Variants in GTF2IRD1 observed in about 807,000 individuals in gnomAD.
The protein encoded by GTF2IRD1 is GTF2I repeat domain containing 1.
In GTF2IRD1, 26 loss-of-function variants were observed where a neutral mutation model predicts 113.2. The observed-to-expected ratio is 0.23, with a 90% CI of 0.17 to 0.32. GTF2IRD1 has a LOEUF of 0.32. Ranked by LOEUF, GTF2IRD1 falls within the 10% of genes least tolerant of loss-of-function variation. The probability of loss-of-function intolerance (pLI) is 1.00; values close to 1 mark genes in which losing one functional copy is unlikely to be tolerated. For missense variants in GTF2IRD1, 864 were observed against 1,280.8 expected, an observed-to-expected ratio of 0.67 and a Z score of 4.97; for synonymous variants, 484 against 529.1, an observed-to-expected ratio of 0.91 and a Z score of 1.17.
chr7:74,486,819 A>T (rs1795055232), intron 1 of GTF2IRD1, among the ~76,000 whole-genome samples: 1 of 152,030 alleles, frequency 6.6e-6, no homozygotes, highest in African/African-American at 2.4e-5. Context: ...AAAAAAAAAA[A>T]ATGAAAAAAA....
At chr7:74,559,186 G>T in intron 21 of GTF2IRD1, 142 bp downstream of exon 21, 1 of 771,926 alleles carries the variant, frequency 1.3e-6, no homozygotes, top group East Asian at 2.7e-5. Flanking sequence ...GGTCCTGGGG[G>T]TGGTTGGAGA....
chr7:74,514,931 C>T (rs782472124), intron 3 of GTF2IRD1, among the ~76,000 whole-genome samples: 3 of 151,806 alleles, frequency 2.0e-5, no homozygotes, highest in Non-Finnish European at 4.4e-5. Context: ...GTGGCAGGCG[C>T]CTATAATCCC....
intron 22 of GTF2IRD1, among the ~76,000 whole-genome samples, chr7:74,585,516 G>A (rs1385477564): frequency 6.6e-6 from 1 of 152,176 alleles, no homozygotes; most frequent in African/African-American, 2.4e-5. Context: ...AGAAGACAGA[G>A]GTGTGGCATT....
intron 19 of GTF2IRD1, among the ~76,000 whole-genome samples, chr7:74,557,409 C>A (rs1365685843): frequency 6.6e-6 from 1 of 152,194 alleles, no homozygotes; most frequent in Non-Finnish European, 1.5e-5. Flanking sequence ...CAAATGTCAT[C>A]AATTAACTTA....
At chr7:74,566,205 T>G (rs587689041) in intron 22 of GTF2IRD1, among the ~76,000 whole-genome samples, 34 of 152,334 alleles carry the variant, frequency 2.2e-4, no homozygotes, top group African/African-American at 7.5e-4. Flanking sequence ...TTTACACATT[T>G]AACCTTAAAA....
rs1203682305 is a variant in GTF2IRD1 at position 74,494,191 on chromosome 7, G to A, written c.-6-13884G>A. Among the ~76,000 whole-genome samples the A allele has an allele frequency of 5.9e-5, 9 of 152,218 alleles. No homozygotes were observed. The South Asian group carries it at 1.4e-3, about 25-fold the overall frequency. ...TACAATTGCAGTCAAAAGGTTGCCG[G>A]TGGGAGTTGGAGGCTGCAGTGAGCT... is the stretch of plus-strand genomic sequence containing the variant. On this transcript the variant is annotated intron_variant, in intron 1 of 26. Transcript: ENST00000424337.
chr7:74,593,840 G>T (rs1254123507), intron 24 of GTF2IRD1, among the ~76,000 whole-genome samples: 2 of 151,748 alleles, frequency 1.3e-5, no homozygotes, highest in African/African-American at 4.8e-5. Flanking sequence ...GAAGGCAGAG[G>T]TTGCAGTGAG....
intron 22 of GTF2IRD1, among the ~76,000 whole-genome samples, chr7:74,562,555 CT>C (rs1167468655): frequency 6.9e-3 from 430 of 62,678 alleles, no homozygotes; most frequent in African/African-American, 0.029. Flanking sequence ...CAATTGCCCT[CT>C]TTTTTTTTTT....
At position 74,545,745 on chromosome 7, in the gene GTF2IRD1, C is replaced by T; in HGVS notation, c.1668C>T (p.Asp556=). 1 of 1,612,094 alleles carries T rather than the reference C, an allele frequency of 6.2e-7. No individual in the cohort carries two copies. The highest frequency in any genetic ancestry group is 8.5e-7 in the Non-Finnish European group (1 of 1,179,446). Residue 556 remains aspartate, a splice_region_variant and synonymous_variant, in exon 16 of 27, where the codon GAC becomes GAT. Transcript: ENST00000424337. ...AACAGACTGCCTTTTGCCTTCCAGA[C>T]AGCCACGGTGACGTGATCCGGCCCC... is the stretch of plus-strand genomic sequence containing the variant. ...DARPEERPVE[D]SHGDVIRPLR...
chr7:74,481,298 G>T (rs1794728635), intron 1 of GTF2IRD1, among the ~76,000 whole-genome samples: 1 of 152,162 alleles, frequency 6.6e-6, no homozygotes, highest in Non-Finnish European at 1.5e-5. Flanking sequence ...GTGACGACAG[G>T]CGCGTGCCAC....
At chr7:74,506,190 G>C (rs2267831) in intron 1 of GTF2IRD1, 15,829 of 152,200 alleles carry the variant, frequency 0.1, 2,033 homozygotes, top group East Asian at 0.39. Context: ...GTGATGCACT[G>C]TCACATCTCC....
At chr7:74,513,055 G>A (rs1163516774) in intron 3 of GTF2IRD1, 84 bp downstream of exon 3, 1 of 1,356,368 alleles carries the variant, frequency 7.4e-7, no homozygotes, top group African/African-American at 1.4e-5. Flanking sequence ...CCCCAACCCT[G>A]TCTAGCCAGG....
At chr7:74,463,176 G>T (rs760121170) in intron 1 of GTF2IRD1, among the ~76,000 whole-genome samples, 3 of 152,160 alleles carry the variant, frequency 2.0e-5, no homozygotes, top group Admixed American at 6.5e-5. Flanking sequence ...CAGGAGTTAG[G>T]ATCAAACGGA....
At chr7:74,528,454 T>C (rs988286671) in intron 8 of GTF2IRD1, among the ~76,000 whole-genome samples, 11 of 151,984 alleles carry the variant, frequency 7.2e-5, no homozygotes, top group African/African-American at 2.2e-4. Context: ...TCCCAACAAC[T>C]GTAGCCTTCC....
chr7:74,521,422 G>A, intron 7 of GTF2IRD1, 125 bp downstream of exon 7: 2 of 683,884 alleles, frequency 2.9e-6, no homozygotes, highest in East Asian at 2.7e-5. Flanking sequence ...TCTGCTCAAG[G>A]GGCTGCAAGT....
Position 74,512,955 on chromosome 7 carries a change from C to T in GTF2IRD1, c.249C>T (p.Asp83=), listed in dbSNP as rs1372104730. The change falls in exon 3 of 27, where the codon GAC becomes GAT. Residue 83 remains aspartate (D), a synonymous_variant. Transcript: ENST00000424337. The surrounding 1 kb of genome is among the most constrained non-coding windows in gnomAD (Gnocchi z 4.4). ...FLNARKELQS[D]FLRFCRGPPW... The stretch of plus-strand genomic sequence containing the variant: ...ATGCCCGGAAGGAGCTACAGTCAGA[C>T]TTCCTCAGGTTCTGCCGTGAGTACC... 1.2e-5 allele frequency: 19 copies of T among 1,613,904 alleles called. No individual in the cohort carries two copies. Among genetic ancestry groups the T allele is most frequent in the Non-Finnish European group, 1.6e-5 (19 of 1,180,000 alleles).
intron 1 of GTF2IRD1, among the ~76,000 whole-genome samples, chr7:74,484,539 A>C (rs1190433880): frequency 6.7e-6 from 1 of 150,132 alleles, no homozygotes; most frequent in Non-Finnish European, 1.5e-5. Context: ...GCTTACTGCA[A>C]CCTCCACCCT....
chr7:74,488,904 A>G (rs1365866928), intron 1 of GTF2IRD1, among the ~76,000 whole-genome samples: 1 of 152,042 alleles, frequency 6.6e-6, no homozygotes, highest in Non-Finnish European at 1.5e-5. Flanking sequence ...GCACTTTGGG[A>G]GGCCAAGGTG....
intron 22 of GTF2IRD1, among the ~76,000 whole-genome samples, chr7:74,568,788 T>C (rs1371758264): frequency 1.3e-5 from 2 of 151,914 alleles, no homozygotes; most frequent in African/African-American, 4.8e-5. Context: ...GGACTAAATG[T>C]CCCCATGGGG....
Sources: allele counts gnomAD v4.1 joint callset (sites outside exome capture counted in the v4.1 genomes callset), GRCh38; gene constraint gnomAD v4.1.1; non-coding constraint Gnocchi (gnomAD v3.1); transcripts MANE v1.5; gene names NCBI Gene and HGNC (gene_info 2026-07-23, HGNC 2026-07-21).